COLEC12: variants seen among roughly 807,000 people sequenced by gnomAD.
COLEC12 encodes the protein collectin-12.
A neutral mutation model predicts 71.1 loss-of-function variants in COLEC12; 33 were observed. The ratio of observed to expected loss-of-function variants is 0.46; its 90% confidence interval spans 0.35 to 0.62. The LOEUF (loss-of-function observed/expected upper bound fraction) is 0.62, where lower values mean the gene tolerates loss of function less well. COLEC12 is among the 20% of genes least tolerant of loss of function. COLEC12 has a pLI of 0.00. For synonymous variants in COLEC12, 350 were observed against 353.0 expected (o/e 0.99, Z 0.10); for missense variants, 765 against 916.1 (o/e 0.84, Z 2.13).
intron 8 of COLEC12, among the ~76,000 whole-genome samples, chr18:323,477 C>T (rs1214256918): frequency 6.6e-6 from 1 of 152,212 alleles, no homozygotes; most frequent in Non-Finnish European, 1.5e-5. Context: ...TTACAGCTTA[C>T]ATAACAGATG....
rs182155875 is a variant in COLEC12, at chr18:403,877, C to G, written c.59-46355G>C. On this transcript the variant is annotated intron_variant, in intron 2 of 9. Transcript: ENST00000400256. ...GATGTCTTGCCATTTGTTCTCATACCTATGGCACAAACAAAGGATTGGAAG... is the reference window on the plus strand; with the variant it reads ...GATGTCTTGCCATTTGTTCTCATACGTATGGCACAAACAAAGGATTGGAAG... Among the ~76,000 whole-genome samples, 6 of 152,304 alleles carry G rather than the reference C, an allele frequency of 3.9e-5. No homozygotes were observed. The East Asian group carries it at 1.2e-3, about 29-fold the overall frequency.
intron 2 of COLEC12, among the ~76,000 whole-genome samples, chr18:368,866 AAAAAC>A (rs1036627803): frequency 3.3e-5 from 5 of 152,020 alleles, no homozygotes; most frequent in Admixed American, 6.5e-5. Flanking sequence ...ACTCCGTCTC[AAAAAC>A]AAAACAAAAC....
intron 2 of COLEC12, among the ~76,000 whole-genome samples, chr18:462,712 C>T (rs368902415): frequency 2.7e-4 from 41 of 152,222 alleles, no homozygotes; most frequent in South Asian, 1.0e-3. Context: ...TTAAAAATAA[C>T]GGAGGAGGAC....
intron 5 of COLEC12, among the ~76,000 whole-genome samples, chr18:343,589 A>G (rs1057145168): frequency 2.2e-4 from 33 of 151,028 alleles, no homozygotes; most frequent in Non-Finnish European, 3.4e-4. Context: ...CCTCCCCCTC[A>G]CGCTTAGAAT....
chr18:400,140 G>A (rs1391342503), intron 2 of COLEC12, among the ~76,000 whole-genome samples: 1 of 152,142 alleles, frequency 6.6e-6, no homozygotes, highest in East Asian at 1.9e-4. Context: ...CAGCGGCCGG[G>A]GGGATCTAGG....
intron 1 of COLEC12, among the ~76,000 whole-genome samples, chr18:481,985 G>T (rs1210177497): frequency 6.6e-6 from 1 of 151,942 alleles, no homozygotes; most frequent in Non-Finnish European, 1.5e-5. Context: ...TGTGGGTTGT[G>T]GGGGTTTGGT....
chr18:404,562 C>T lies in COLEC12; in HGVS notation c.59-47040G>A, dbSNP rs896878136. ...GTTGTGGGAAGTTAGGGACCCCAAA[C>T]GGAGGGACCAGCTGGAGCCGTGGCA... On this transcript the variant is annotated intron_variant, in intron 2 of 9. Transcript: ENST00000400256. 7.9e-5 allele frequency among the ~76,000 whole-genome samples: 12 copies of T among 152,230 alleles called. No homozygotes were observed. In the South Asian group the frequency reaches 8.3e-4, roughly 11 times the overall value.
At chr18:479,246 A>G (rs2143768988) in intron 2 of COLEC12, among the ~76,000 whole-genome samples, 1 of 152,234 alleles carries the variant, frequency 6.6e-6, no homozygotes. Flanking sequence ...TCGCAGAAAC[A>G]TGGAATCGTG....
At position 340,527 on chromosome 18, in the gene COLEC12, C is replaced by G. The variant is rs1227499490; in HGVS notation, c.1328-5297G>C. On this transcript the variant is annotated intron_variant, in intron 5 of 9. Transcript: ENST00000400256. ...GTGCTTTGGCAAACCAAACTGTAGG[C>G]CTGAGAAGTGCCCAGCCCAGTTTCC... Among the ~76,000 whole-genome samples, 7 of 152,172 alleles carry G rather than the reference C, an allele frequency of 4.6e-5. No homozygotes were observed. The East Asian group carries it at 1.2e-3, about 25-fold the overall frequency.
intron 2 of COLEC12, among the ~76,000 whole-genome samples, chr18:441,188 C>A (rs1253411779): frequency 3.3e-5 from 5 of 149,396 alleles, no homozygotes; most frequent in Non-Finnish European, 7.4e-5. Context: ...GCGGAGCTTG[C>A]AGTGAGCCGA....
intron 2 of COLEC12, among the ~76,000 whole-genome samples, chr18:436,530 G>T (rs1201222814): frequency 8.7e-5 from 11 of 126,980 alleles, no homozygotes; most frequent in Non-Finnish European, 1.5e-4. Context: ...AAAAAAGGGG[G>T]GGGGGGGGGA....
Position 334,748 on chromosome 18 carries a change from C to G in COLEC12, c.1810G>C (p.Asp604His), listed in dbSNP as rs111326400. 7.5e-4 allele frequency: 1,096 copies of G among 1,469,062 alleles called. 5 individuals are homozygous for G. The highest frequency in any genetic ancestry group is 4.2e-3 in the African/African-American group (284 of 68,162). 91.0% of individuals were successfully genotyped at this position (1,469,062 alleles called of 1,614,324 possible). ...LQNEPTPAPE[D>H]NGCPPHWKNF... ...AGGGAGGGCTTGGACTTACCATTGT[C>G]CTCCGGTGCTGGGGTTGGCTCATTC... The change falls in exon 6 of 10, where the codon GAC (aspartate) becomes CAC (histidine). Residue 604 changes from aspartate (D) to histidine (H), a missense_variant. Transcript: ENST00000400256.
Position 500,449 on chromosome 18 carries a change from C to A in COLEC12, c.7+59G>T. ...CGCGGGAGGCACCTCCGTGGCCTCC[C>A]GCGCGCCCCGAAGCCCGTTCCCCCC... On this transcript the variant is annotated intron_variant, in intron 1 of 9. Transcript: ENST00000400256. The surrounding 1 kb of genome is among the most constrained non-coding windows in gnomAD (Gnocchi z 5.3). The A allele has an allele frequency of 8.5e-7, 1 of 1,171,494 alleles. No individual in the cohort carries two copies. The highest frequency in any genetic ancestry group is 1.1e-6 in the Non-Finnish European group (1 of 942,622). 72.6% of individuals were successfully genotyped at this position (1,171,494 alleles called of 1,614,324 possible). A position where few individuals can be genotyped will look rare whatever the true frequency, so the allele number is the denominator to read the frequency against.
At chr18:492,025 G>C (rs1917628475) in intron 1 of COLEC12, among the ~76,000 whole-genome samples, 1 of 152,134 alleles carries the variant, frequency 6.6e-6, no homozygotes, top group African/African-American at 2.4e-5. Context: ...ATTTTGTAGG[G>C]GGGTAATTAG....
At chr18:466,719 T>C (rs1243929841) in intron 2 of COLEC12, among the ~76,000 whole-genome samples, 1 of 152,180 alleles carries the variant, frequency 6.6e-6, no homozygotes, top group Non-Finnish European at 1.5e-5. Flanking sequence ...AGACACCATC[T>C]CTGTCCTCAT....
chr18:409,276 C>T (rs80117997), intron 2 of COLEC12, among the ~76,000 whole-genome samples: 5,672 of 152,342 alleles, frequency 0.037, 169 homozygotes, highest in East Asian at 0.18. Flanking sequence ...CGTGGTGGCT[C>T]ACGCCTATAA....
At chr18:476,743 T>C (rs1051801965) in intron 2 of COLEC12, among the ~76,000 whole-genome samples, 3 of 152,190 alleles carry the variant, frequency 2.0e-5, no homozygotes, top group Non-Finnish European at 2.9e-5. Flanking sequence ...GGGAAATAAA[T>C]AGACAAATAT....
At chr18:363,927 G>A (rs1914801246) in intron 2 of COLEC12, among the ~76,000 whole-genome samples, 1 of 152,158 alleles carries the variant, frequency 6.6e-6, no homozygotes, top group Admixed American at 6.5e-5. Flanking sequence ...ACGGAAGCAG[G>A]ACAAGAATTG....
At chr18:350,317 C>G (rs376336126) in intron 3 of COLEC12, among the ~76,000 whole-genome samples, 55 of 152,152 alleles carry the variant, frequency 3.6e-4, no homozygotes, top group East Asian at 2.1e-3. Flanking sequence ...GTAAGAAGTG[C>G]CTTTTGCCTC....
Sources: gnomAD v4.1 joint callset for allele counts (sites outside exome capture counted in the v4.1 genomes callset) on GRCh38, gnomAD v4.1.1 for gene constraint, Gnocchi (gnomAD v3.1) non-coding constraint, MANE v1.5 for transcripts, NCBI Gene and HGNC (gene_info 2026-07-23, HGNC 2026-07-21) for gene names.